Variants in DHX34 observed in about 807,000 individuals in gnomAD.
The protein encoded by DHX34 is DExH-box helicase 34, also known as probable ATP-dependent RNA helicase DHX34.
In DHX34, 96 loss-of-function variants were observed where a neutral mutation model predicts 111.1. The ratio of observed to expected loss-of-function variants is 0.86; its 90% confidence interval spans 0.73 to 1.02. The LOEUF is 1.02. Ranked by LOEUF, DHX34 falls within the 50% of genes least tolerant of loss-of-function variation. DHX34 has a pLI of 0.00. For missense variants in DHX34, 1,560 were observed against 1,579.9 expected (o/e 0.99, Z 0.21); for synonymous variants, 688 against 670.4 (o/e 1.03, Z -0.41).
At position 47,382,120 on chromosome 19, in the gene DHX34, C is replaced by T; in HGVS notation, c.*7C>T. 1.2e-6 allele frequency: 2 copies of T among 1,613,606 alleles called. No individual in the cohort carries two copies. Among genetic ancestry groups the T allele is most frequent in the Non-Finnish European group, 1.7e-6 (2 of 1,179,826 alleles). On this transcript the variant is annotated 3_prime_UTR_variant, in exon 17 of 17. Coordinates refer to ENST00000328771, the MANE Select transcript of DHX34 (RefSeq NM_014681.6). ...CCGGAAGCAGCACGTGTGAGCTGGGCCAGGAGCCCTGCCCACCTCCGTGCA... is the reference window on the plus strand; with the variant it reads ...CCGGAAGCAGCACGTGTGAGCTGGGTCAGGAGCCCTGCCCACCTCCGTGCA...
chr19:47,375,822 G>T (rs1970131651), intron 10 of DHX34, 102 bp from the exon 11 acceptor site: 3 of 1,545,514 alleles, frequency 1.9e-6, no homozygotes, highest in African/African-American at 1.4e-5. Context: ...GGTTTCCATG[G>T]ACGGTGCTTG....
At chr19:47,361,420 T>A (rs1215377999) in intron 5 of DHX34, among the ~76,000 whole-genome samples, 1 of 151,670 alleles carries the variant, frequency 6.6e-6, no homozygotes, top group African/African-American at 2.4e-5. Flanking sequence ...ATTGTGCCAC[T>A]GCACTCAAGC....
At chr19:47,365,253 T>G (rs1305760973) in intron 6 of DHX34, among the ~76,000 whole-genome samples, 2 of 151,604 alleles carry the variant, frequency 1.3e-5, no homozygotes, top group Non-Finnish European at 2.9e-5. Context: ...TATTTATTTA[T>G]TTATTTATTT....
intron 7 of DHX34, among the ~76,000 whole-genome samples, chr19:47,370,119 C>A (rs1016367219): frequency 6.6e-6 from 1 of 152,134 alleles, no homozygotes; most frequent in Non-Finnish European, 1.5e-5. Flanking sequence ...TGGGTGTGGC[C>A]TGTGGTGTCT....
intron 12 of DHX34, 35 bp downstream of exon 12, chr19:47,376,595 G>A (rs764886745): frequency 1.2e-5 from 18 of 1,544,568 alleles, no homozygotes; most frequent in East Asian, 2.4e-5. Context: ...ACCCCCATCC[G>A]GGATGTGAGG....
intron 1 of DHX34, among the ~76,000 whole-genome samples, chr19:47,351,906 G>C (rs752756492): frequency 6.6e-6 from 1 of 152,202 alleles, no homozygotes; most frequent in Non-Finnish European, 1.5e-5. Context: ...GGTGGATACT[G>C]TCCTCAGAAA....
At chr19:47,374,800 TAATGG>T (rs1397005415) in intron 9 of DHX34, among the ~76,000 whole-genome samples, 1 of 152,122 alleles carries the variant, frequency 6.6e-6, no homozygotes, top group East Asian at 1.9e-4. Context: ...TTTGAGAATC[TAATGG>T]AAAGTGTGAG....
intron 7 of DHX34, among the ~76,000 whole-genome samples, chr19:47,371,550 GC>G (rs1406062855): frequency 6.6e-6 from 1 of 152,186 alleles, no homozygotes; most frequent in African/African-American, 2.4e-5. Context: ...GCACAGTACA[GC>G]CCCAAGCCCT....
chr19:47,358,923 A>G (rs1568396468), intron 4 of DHX34, among the ~76,000 whole-genome samples: 1 of 151,336 alleles, frequency 6.6e-6, no homozygotes, highest in Non-Finnish European at 1.5e-5. Flanking sequence ...GCCTCCGTTA[A>G]TTTTTTTTTG....
At chr19:47,379,290 CCAG>C (rs1413337932) in intron 13 of DHX34, among the ~76,000 whole-genome samples, 1 of 152,152 alleles carries the variant, frequency 6.6e-6, no homozygotes, top group Non-Finnish European at 1.5e-5. Context: ...TGCCCTGGCC[CCAG>C]CCCTGAGGAT....
chr19:47,375,299 A>T, intron 9 of DHX34, 167 bp from the exon 10 acceptor site: 2 of 985,434 alleles, frequency 2.0e-6, no homozygotes. Flanking sequence ...ACCAGCGAGG[A>T]CAGCTCTCTC....
intron 10 of DHX34, 100 bp from the exon 11 acceptor site, chr19:47,375,824 C>T (rs1239905771): frequency 3.0e-5 from 46 of 1,544,330 alleles, no homozygotes; most frequent in East Asian, 4.6e-5. Context: ...TTTCCATGGA[C>T]GGTGCTTGGT....
intron 6 of DHX34, among the ~76,000 whole-genome samples, chr19:47,366,434 C>T (rs1969787369): frequency 6.6e-6 from 1 of 152,122 alleles, no homozygotes; most frequent in Non-Finnish European, 1.5e-5. Context: ...GCACTCGCCA[C>T]CACACCTGGC....
chr19:47,372,863 G>C lies in DHX34; in HGVS notation c.1902G>C (p.Pro634=), dbSNP rs529993771. Residue 634 remains proline (P), a synonymous_variant, in exon 8 of 17, where the codon CCG becomes CCC. Coordinates refer to ENST00000328771, the MANE Select transcript of DHX34 (RefSeq NM_014681.6). ...CAGAGTGCGCGGCAGCACGGCGGCC[G>C]CTGGAGAGCGACCAGGGTGACCCCT... ...SSPECAAARR[P]LESDQGDPFT... 1.2e-6 allele frequency: 2 copies of C among 1,610,826 alleles called. No individual in the cohort carries two copies. Among genetic ancestry groups the C allele is most frequent in the Non-Finnish European group, 1.7e-6 (2 of 1,179,482 alleles).
At chr19:47,365,682 C>G (rs1969769104) in intron 6 of DHX34, among the ~76,000 whole-genome samples, 1 of 152,210 alleles carries the variant, frequency 6.6e-6, no homozygotes, top group Non-Finnish European at 1.5e-5. Flanking sequence ...CAAAGCCAGG[C>G]AAACAGACTT....
chr19:47,357,372 C>A (rs967108217), intron 3 of DHX34, among the ~76,000 whole-genome samples: 1 of 152,192 alleles, frequency 6.6e-6, no homozygotes, highest in Non-Finnish European at 1.5e-5. Context: ...ACAAGCCTTG[C>A]AGTTGCTTTG....
At chr19:47,365,743 CCT>C (rs1303378000) in intron 6 of DHX34, among the ~76,000 whole-genome samples, 3 of 152,150 alleles carry the variant, frequency 2.0e-5, no homozygotes, top group Non-Finnish European at 4.4e-5. Flanking sequence ...GCCTTGCCAG[CCT>C]CTCCTTCTTC....
chr19:47,350,595 T>A (rs548041922), intron 1 of DHX34, among the ~76,000 whole-genome samples: 135 of 152,094 alleles, frequency 8.9e-4, no homozygotes, highest in African/African-American at 3.1e-3. Context: ...TAATTTTGTA[T>A]TTTTAGTAGA....
At chr19:47,376,807 G>A in intron 12 of DHX34, 1 of 1,516,166 alleles carries the variant, frequency 6.6e-7, no homozygotes, top group Non-Finnish European at 8.8e-7. Context: ...CCCAGAGAGT[G>A]AGCACCGGTC....
Sources: gnomAD v4.1 joint callset for allele counts (sites outside exome capture counted in the v4.1 genomes callset) on GRCh38, gnomAD v4.1.1 for gene constraint, MANE v1.5 for transcripts, NCBI Gene and HGNC (gene_info 2026-07-23, HGNC 2026-07-21) for gene names.